EPB41L4A: variants seen among roughly 807,000 people sequenced by gnomAD.
EPB41L4A encodes erythrocyte membrane protein band 4.1 like 4A, also known as band 4.1-like protein 4A.
EPB41L4A carries 100 observed loss-of-function variants against 108.6 expected under a neutral mutation model. That is an observed-to-expected ratio of 0.92 (90% CI 0.78 to 1.09). The LOEUF is 1.09. EPB41L4A is among the 50% of genes least tolerant of loss of function. EPB41L4A has a pLI of 0.00. For synonymous variants in EPB41L4A, 319 were observed against 289.0 expected (o/e 1.10, Z -1.05); for missense variants, 1,030 against 842.7 (o/e 1.22, Z -2.75).
At chr5:112,364,664 T>A (rs977998489) in intron 1 of EPB41L4A, among the ~76,000 whole-genome samples, 5 of 152,230 alleles carry the variant, frequency 3.3e-5, no homozygotes, top group African/African-American at 1.2e-4. Context: ...AAAAAGTTTA[T>A]CTGATTTCTT....
intron 1 of EPB41L4A, among the ~76,000 whole-genome samples, chr5:112,337,301 A>T (rs921350071): frequency 6.6e-6 from 1 of 152,210 alleles, no homozygotes; most frequent in African/African-American, 2.4e-5. Flanking sequence ...GCCACAATTC[A>T]GTCTGGTCTA....
chr5:112,338,749 T>C (rs1446642460), intron 1 of EPB41L4A, among the ~76,000 whole-genome samples: 1 of 152,188 alleles, frequency 6.6e-6, no homozygotes, highest in Non-Finnish European at 1.5e-5. Flanking sequence ...ATGGGCCAAA[T>C]CTGAGTCACT....
At chr5:112,175,933 T>C (rs1007336282) in intron 18 of EPB41L4A, among the ~76,000 whole-genome samples, 3 of 152,134 alleles carry the variant, frequency 2.0e-5, no homozygotes, top group African/African-American at 4.8e-5. Context: ...ACCCAGCTTA[T>C]ATTTCCACTT....
intron 1 of EPB41L4A, among the ~76,000 whole-genome samples, chr5:112,411,899 C>G (rs1213582914): frequency 6.6e-6 from 1 of 152,210 alleles, no homozygotes; most frequent in South Asian, 2.1e-4. Flanking sequence ...AAGGTGGAAC[C>G]TGAGTGATTT....
At chr5:112,203,610 C>T (rs1762321455) in intron 15 of EPB41L4A, among the ~76,000 whole-genome samples, 3 of 152,294 alleles carry the variant, frequency 2.0e-5, no homozygotes, top group Non-Finnish European at 4.4e-5. Context: ...CCTTCAAACA[C>T]TCTACCCGTA....
At chr5:112,319,567 T>C (rs914915205) in intron 1 of EPB41L4A, among the ~76,000 whole-genome samples, 9 of 152,170 alleles carry the variant, frequency 5.9e-5, no homozygotes, top group Non-Finnish European at 1.5e-5. Context: ...CTTCTAAGTT[T>C]TTCCTGCTAA....
At chr5:112,190,104 T>A (rs1045497972) in intron 17 of EPB41L4A, among the ~76,000 whole-genome samples, 1 of 152,200 alleles carries the variant, frequency 6.6e-6, no homozygotes, top group Non-Finnish European at 1.5e-5. Context: ...GTAGATTAAC[T>A]TTATAGTGCC....
Position 112,195,173 on chromosome 5 carries a change from A to C in EPB41L4A, c.1424+488T>G, listed in dbSNP as rs181369773. 5.0e-3 allele frequency among the ~76,000 whole-genome samples: 761 copies of C among 152,244 alleles called. 6 individuals are homozygous for C. Among genetic ancestry groups the C allele is most frequent in the Non-Finnish European group, 7.7e-3 (524 of 68,026 alleles). On this transcript the variant is annotated intron_variant, in intron 16 of 22. Transcript: ENST00000261486. ...TCCTCCCAGCCTAAAGAAGTGTAAA[A>C]GAAGTGTCTACAGAAGTGTAAGCTA...
rs1176568510 is a variant in EPB41L4A, at chr5:112,165,098, A to G, written c.1953T>C (p.Asp651=). 4.5e-6 allele frequency: 7 copies of G among 1,572,132 alleles called. No homozygotes were observed. Among genetic ancestry groups the G allele is most frequent in the East Asian group, 2.3e-5 (1 of 43,440 alleles). ...TVHQRRNGSK[D]SLMEEKPQTS... is the part of the protein sequence containing the mutation. Reference sequence around the variant, plus strand: ...TCTGAGGTTTTTCTTCCATCAGGCTATCTTTAGACCCATTTCTTCTCTAAA... The same window carrying G: ...TCTGAGGTTTTTCTTCCATCAGGCTGTCTTTAGACCCATTTCTTCTCTAAA... Residue 651 remains aspartate (D), a synonymous_variant, in exon 23 of 23, where the codon GAT becomes GAC. Coordinates refer to ENST00000261486, the MANE Select transcript of EPB41L4A (RefSeq NM_022140.5).
At chr5:112,312,061 A>C (rs1755088950) in intron 1 of EPB41L4A, among the ~76,000 whole-genome samples, 1 of 152,248 alleles carries the variant, frequency 6.6e-6, no homozygotes, top group African/African-American at 2.4e-5. Context: ...GTCTTTATGC[A>C]AACTATATTT....
intron 9 of EPB41L4A, among the ~76,000 whole-genome samples, chr5:112,255,565 T>C (rs1751025663): frequency 6.6e-6 from 1 of 152,170 alleles, no homozygotes; most frequent in South Asian, 2.1e-4. Flanking sequence ...ATCTGACACA[T>C]GCTTAATACA....
chr5:112,266,145 G>T, intron 5 of EPB41L4A, 88 bp downstream of exon 5: 1 of 912,958 alleles, frequency 1.1e-6, no homozygotes. Context: ...TCATGGATAA[G>T]AAGAGTTTTA....
intron 2 of EPB41L4A, among the ~76,000 whole-genome samples, chr5:112,306,610 T>TA (rs987058904): frequency 5.4e-4 from 82 of 152,154 alleles, no homozygotes; most frequent in African/African-American, 1.9e-3. Context: ...GGATGAAAAA[T>TA]AAAAGGCAAG....
intron 9 of EPB41L4A, chr5:112,250,751 G>A (rs1580530142): frequency 6.6e-6 from 1 of 152,116 alleles, no homozygotes; most frequent in Non-Finnish European, 1.5e-5. Flanking sequence ...CATAACACAA[G>A]CTATTCAGCA....
At position 112,162,871 on chromosome 5, in the gene EPB41L4A, G is replaced by C. The variant is rs761041755; in HGVS notation, c.*2119C>G. On this transcript the variant is annotated 3_prime_UTR_variant, in exon 23 of 23. Coordinates refer to ENST00000261486, the MANE Select transcript of EPB41L4A (RefSeq NM_022140.5). ...GGGGAATGACATATACAGAGGCTTGGGCTAGAAAAAAGATACCGTTAGTCC... is the reference window on the plus strand; with the variant it reads ...GGGGAATGACATATACAGAGGCTTGCGCTAGAAAAAAGATACCGTTAGTCC... The C allele has an allele frequency of 3.3e-5, 5 of 152,162 alleles. No individual in the cohort carries two copies. Among genetic ancestry groups the C allele is most frequent in the Non-Finnish European group, 7.3e-5 (5 of 68,036 alleles). The allele number at this position is 152,162 out of a possible 1,614,324, so 9.4% of individuals were successfully genotyped here. A position where few individuals can be genotyped will look rare whatever the true frequency, so the allele number is the denominator to read the frequency against.
At chr5:112,166,778 T>A (rs1266942823) in intron 22 of EPB41L4A, among the ~76,000 whole-genome samples, 1 of 152,272 alleles carries the variant, frequency 6.6e-6, no homozygotes, top group Admixed American at 6.5e-5. Flanking sequence ...TACTGTTATT[T>A]TGTTTTGCTT....
chr5:112,206,605 T>A (rs941788696), intron 13 of EPB41L4A, among the ~76,000 whole-genome samples: 1 of 152,046 alleles, frequency 6.6e-6, no homozygotes, highest in African/African-American at 2.4e-5. Context: ...AGAAAGTGTA[T>A]GGGATCAATA....
chr5:112,385,452 C>G (rs1045556852), intron 1 of EPB41L4A, among the ~76,000 whole-genome samples: 1 of 150,998 alleles, frequency 6.6e-6, no homozygotes, highest in Admixed American at 6.6e-5. Flanking sequence ...AAAAGCCAAT[C>G]CAGAGTCCTA....
At chr5:112,145,438 G>A (rs1051546167) in intron 13 of EPB41L4A, among the ~76,000 whole-genome samples, 1 of 152,172 alleles carries the variant, frequency 6.6e-6, no homozygotes, top group Non-Finnish European at 1.5e-5. Context: ...TGGAGATTTT[G>A]TATTTTTATG....
Sources: gnomAD v4.1 joint callset for allele counts (sites outside exome capture counted in the v4.1 genomes callset) on GRCh38, gnomAD v4.1.1 for gene constraint, MANE v1.5 for transcripts, NCBI Gene and HGNC (gene_info 2026-07-23, HGNC 2026-07-21) for gene names.